ENPP6: variants seen among roughly 807,000 people sequenced by gnomAD.
ENPP6 encodes the protein glycerophosphocholine cholinephosphodiesterase ENPP6.
Under a neutral mutation model 42.0 loss-of-function variants are expected in ENPP6, and 32 were observed. That is an observed-to-expected ratio of 0.76 (90% CI 0.58 to 1.02). The LOEUF is 1.02. Among genes scored for constraint, ENPP6 ranks in the 50% least tolerant of loss-of-function variants. ENPP6 has a pLI of 0.00. For synonymous variants in ENPP6, 213 were observed against 216.0 expected, an observed-to-expected ratio of 0.99 and a Z score of 0.12; for missense variants, 552 against 566.8, an observed-to-expected ratio of 0.97 and a Z score of 0.27.
At chr4:184,192,260 C>T (rs574406173) in intron 1 of ENPP6, among the ~76,000 whole-genome samples, 2 of 152,274 alleles carry the variant, frequency 1.3e-5, no homozygotes, top group African/African-American at 2.4e-5. Flanking sequence ...AGTCTGATCT[C>T]ACCATAAGGA....
At chr4:184,144,574 G>C (rs1436400276) in intron 2 of ENPP6, among the ~76,000 whole-genome samples, 1 of 152,222 alleles carries the variant, frequency 6.6e-6, no homozygotes, top group Non-Finnish European at 1.5e-5. Flanking sequence ...AGCAGCCAAG[G>C]CTTCCCAGGG....
At chr4:184,182,341 T>C (rs1322987406) in intron 1 of ENPP6, among the ~76,000 whole-genome samples, 1 of 152,054 alleles carries the variant, frequency 6.6e-6, no homozygotes, top group East Asian at 1.9e-4. Flanking sequence ...GAACGGCGAT[T>C]ACTAGGAGTT....
At chr4:184,170,967 G>C (rs146311351) in intron 1 of ENPP6, among the ~76,000 whole-genome samples, 1 of 152,250 alleles carries the variant, frequency 6.6e-6, no homozygotes, top group East Asian at 1.9e-4. Context: ...GTTCTTTTAG[G>C]CGTGTCTATT....
rs926040804 is a variant in ENPP6 at position 184,089,158 on chromosome 4, A to T, written c.*2019T>A. 6.6e-6 allele frequency: 1 copy of T among 152,228 alleles called. No homozygotes were observed. Among genetic ancestry groups the T allele is most frequent in the African/African-American group, 2.4e-5 (1 of 41,458 alleles). 9.4% of individuals were successfully genotyped at this position (152,228 alleles called of 1,614,324 possible). On this transcript the variant is annotated 3_prime_UTR_variant, in exon 8 of 8. Coordinates refer to ENST00000296741, the MANE Select transcript of ENPP6 (RefSeq NM_153343.4). ...GTCATTTGTTTTCAGCTAGATAACA[A>T]AGGCTGAAGAGTTGCCTTCTTTCCA...
intron 1 of ENPP6, among the ~76,000 whole-genome samples, chr4:184,166,069 G>T (rs1398185251): frequency 6.6e-6 from 1 of 152,158 alleles, no homozygotes. Context: ...TTGCCTTGCA[G>T]ATAACCTCTG....
At chr4:184,191,173 C>T (rs1376171973) in intron 1 of ENPP6, among the ~76,000 whole-genome samples, 1 of 152,192 alleles carries the variant, frequency 6.6e-6, no homozygotes. Context: ...GAAGAGGCAG[C>T]ATGATGTTGT....
At chr4:184,149,829 A>T (rs1736993160) in intron 2 of ENPP6, among the ~76,000 whole-genome samples, 2 of 152,190 alleles carry the variant, frequency 1.3e-5, no homozygotes, top group Non-Finnish European at 2.9e-5. Flanking sequence ...TATCCAAAGA[A>T]ATCAAGCTGC....
intron 2 of ENPP6, among the ~76,000 whole-genome samples, chr4:184,143,628 G>A (rs545779658): frequency 2.6e-5 from 4 of 152,302 alleles, no homozygotes; most frequent in Non-Finnish European, 4.4e-5. Context: ...GTCATTCATT[G>A]GCCCTCATGG....
intron 1 of ENPP6, among the ~76,000 whole-genome samples, chr4:184,206,318 C>G (rs35260751): frequency 9.5e-6 from 1 of 105,528 alleles, no homozygotes; most frequent in Non-Finnish European, 1.9e-5. Context: ...AGTGCAGTGG[C>G]GCGATCTCGG....
At chr4:184,119,326 TGTGTGTGTGTGTGTG>T (rs1560983787) in intron 3 of ENPP6, among the ~76,000 whole-genome samples, 2 of 25,996 alleles carry the variant, frequency 7.7e-5, no homozygotes, top group African/African-American at 2.8e-4. Context: ...TGTGTGTGTG[TGTGTGTGTGTGTGTG>T]TGTGTGTGTG....
rs376937805 is a variant in ENPP6, at chr4:184,112,696, A to G, written c.969T>C (p.Ala323=). 1.2e-6 allele frequency: 2 copies of G among 1,613,960 alleles called. No individual in the cohort carries two copies. Among genetic ancestry groups the G allele is most frequent in the Non-Finnish European group, 1.7e-6 (2 of 1,180,010 alleles). ...CCTCAGTTATGAACCAGCCTTCATC[A>G]GCCACTAAAGTCAAAGGAGAGACAA... ...GKFVSPLTLV[A]DEGWFITENR... Residue 323 remains alanine, a synonymous_variant, in exon 6 of 8, where the codon GCT becomes GCC. Coordinates refer to ENST00000296741, the MANE Select transcript of ENPP6 (RefSeq NM_153343.4).
chr4:184,131,259 T>TTTCCCTTCCTTCCTTC (rs1553996065), intron 2 of ENPP6, among the ~76,000 whole-genome samples: 2 of 73,280 alleles, frequency 2.7e-5, no homozygotes, highest in African/African-American at 1.1e-4. Context: ...TTTCTCTTTC[T>TTTCCCTTCCTTCCTTC]CTTCCTTCCT....
intron 1 of ENPP6, among the ~76,000 whole-genome samples, chr4:184,209,023 G>A (rs1733061370): frequency 6.9e-6 from 1 of 144,218 alleles, no homozygotes. Context: ...GCAGCTGAGG[G>A]TCCTGTCTGT....
intron 1 of ENPP6, chr4:184,216,446 T>A (rs1343260603): frequency 6.6e-6 from 1 of 152,224 alleles, no homozygotes; most frequent in Admixed American, 6.5e-5. Flanking sequence ...CATTTTTCCG[T>A]ACATGTGTAT....
chr4:184,092,944 C>T (rs956304953), intron 7 of ENPP6, among the ~76,000 whole-genome samples: 5 of 152,348 alleles, frequency 3.3e-5, no homozygotes, highest in South Asian at 4.1e-4. Context: ...AAATTCTGCT[C>T]CTCTATTTAT....
At chr4:184,137,652 G>A (rs1736751830) in intron 2 of ENPP6, among the ~76,000 whole-genome samples, 1 of 152,200 alleles carries the variant, frequency 6.6e-6, no homozygotes, top group Non-Finnish European at 1.5e-5. Flanking sequence ...GCTTAGCTGT[G>A]TCTTTATGAA....
intron 2 of ENPP6, among the ~76,000 whole-genome samples, chr4:184,127,813 T>C (rs888982522): frequency 6.6e-6 from 1 of 152,234 alleles, no homozygotes; most frequent in African/African-American, 2.4e-5. Flanking sequence ...GGTAGTTATG[T>C]GAAAATATTT....
At chr4:184,101,844 C>T (rs941671057) in intron 6 of ENPP6, among the ~76,000 whole-genome samples, 8 of 152,202 alleles carry the variant, frequency 5.3e-5, no homozygotes, top group Non-Finnish European at 8.8e-5. Flanking sequence ...TGATGAGCCC[C>T]TCAACCAGTT....
At chr4:184,177,675 T>C (rs1732461092) in intron 1 of ENPP6, among the ~76,000 whole-genome samples, 1 of 152,226 alleles carries the variant, frequency 6.6e-6, no homozygotes, top group Admixed American at 6.5e-5. Flanking sequence ...GCAGTCATCT[T>C]TGCTGTTCTG....
Sources: allele counts gnomAD v4.1 joint callset (sites outside exome capture counted in the v4.1 genomes callset), GRCh38; gene constraint gnomAD v4.1.1; transcripts MANE v1.5; gene names NCBI Gene and HGNC (gene_info 2026-07-23, HGNC 2026-07-21).